The following RFNG variants were observed in gnomAD, a reference collection of about 807,000 sequenced individuals.
RFNG encodes the protein RFNG O-fucosylpeptide 3-beta-N-acetylglucosaminyltransferase.
RFNG carries 37 observed loss-of-function variants against 29.6 expected under a neutral mutation model. That is an observed-to-expected ratio of 1.25 (90% CI 0.96 to 1.65). The LOEUF (loss-of-function observed/expected upper bound fraction) is 1.65. Ranked by LOEUF, RFNG falls within the 40% of genes most tolerant of loss-of-function variation. The probability of loss-of-function intolerance (pLI) is 0.00; values close to 1 mark genes in which losing one functional copy is unlikely to be tolerated. For missense variants in RFNG, 546 were observed against 457.0 expected, an observed-to-expected ratio of 1.19 and a Z score of -1.78; for synonymous variants, 276 against 197.3, an observed-to-expected ratio of 1.40 and a Z score of -3.34.
Position 82,051,673 on chromosome 17 carries a change from C to A in RFNG, c.94G>T (p.Ala32Ser). 1.0e-6 allele frequency: 1 copy of A among 997,824 alleles called. No individual in the cohort carries two copies. The highest frequency in any genetic ancestry group is 1.2e-6 in the Non-Finnish European group (1 of 839,694). 61.8% of individuals were successfully genotyped at this position (997,824 alleles called of 1,614,324 possible). ...LLLLPLPLPR[A>S]PAPARTPAPA... Reference sequence around the variant, plus strand: ...GCGGGGGTCCGGGCCGGGGCGGGCGCGCGGGGCAGCGGCAGCGGCAGTAAC... The same window carrying A: ...GCGGGGGTCCGGGCCGGGGCGGGCGAGCGGGGCAGCGGCAGCGGCAGTAAC... The change falls in exon 1 of 8, where the codon GCG becomes TCG. Residue 32 changes from alanine (A) to serine (S), a missense_variant. Physicochemically the swap from Ala to Ser is moderately conservative, Grantham distance 99. Coordinates refer to ENST00000310496, the MANE Select transcript of RFNG (RefSeq NM_002917.2). This position sits in a 1 kb window ranked among gnomAD's most constrained non-coding sequence, Gnocchi z 4.1.
At position 82,048,390 on chromosome 17, in the gene RFNG, A is replaced by C. The variant is rs999907014; in HGVS notation, c.*336T>G. ...GCCAGCCTAGCACCCGCCTTCAGCAACAGGTAATGGAGCCCGGATGGCAGC... is the reference window on the plus strand; with the variant it reads ...GCCAGCCTAGCACCCGCCTTCAGCACCAGGTAATGGAGCCCGGATGGCAGC... On this transcript the variant is annotated 3_prime_UTR_variant, in exon 8 of 8. Coordinates refer to ENST00000310496, the MANE Select transcript of RFNG (RefSeq NM_002917.2). The C allele has an allele frequency of 1.5e-5, 5 of 333,980 alleles. No homozygotes were observed. In the Admixed American group the frequency reaches 2.1e-4, roughly 14 times the overall value. 20.7% of individuals were successfully genotyped at this position (333,980 alleles called of 1,614,324 possible).
intron 6 of RFNG, 106 bp downstream of exon 6, chr17:82,049,571 C>T (rs746278773): frequency 1.7e-5 from 23 of 1,349,528 alleles, no homozygotes; most frequent in Non-Finnish European, 2.2e-5. Context: ...CATGCAAATC[C>T]CACCTGCCTG....
chr17:82,048,391 C>G lies in RFNG; in HGVS notation c.*335G>C. The G allele has an allele frequency of 3.0e-6, 1 of 338,844 alleles. No homozygotes were observed. The highest frequency in any genetic ancestry group is 5.6e-6 in the Non-Finnish European group (1 of 177,304). The allele number at this position is 338,844 out of a possible 1,614,324, so 21.0% of individuals were successfully genotyped here. On this transcript the variant is annotated 3_prime_UTR_variant, in exon 8 of 8. Coordinates refer to ENST00000310496, the MANE Select transcript of RFNG (RefSeq NM_002917.2). ...CCAGCCTAGCACCCGCCTTCAGCAACAGGTAATGGAGCCCGGATGGCAGCT... is the reference window on the plus strand; with the variant it reads ...CCAGCCTAGCACCCGCCTTCAGCAAGAGGTAATGGAGCCCGGATGGCAGCT...
rs779473081 is a variant in RFNG, at chr17:82,049,953, G to A, written c.627C>T (p.Ser209=). The A allele has an allele frequency of 1.2e-6, 2 of 1,612,636 alleles. No homozygotes were observed. Among genetic ancestry groups the A allele is most frequent in the Middle Eastern group, 1.7e-4 (1 of 6,056 alleles). Residue 209 remains serine, a synonymous_variant, in exon 5 of 8, where the codon AGC becomes AGT. Coordinates refer to ENST00000310496, the MANE Select transcript of RFNG (RefSeq NM_002917.2). ...FATGGAGFCL[S]RGLALKMSPW... ...GGCTCATCTTGAGGGCAAGGCCTCT[G>A]CTGAGGCAGAACCCGGCCCCACCAG...
intron 6 of RFNG, 66 bp from the exon 7 acceptor site, chr17:82,049,182 C>G: frequency 4.5e-6 from 6 of 1,336,868 alleles, no homozygotes; most frequent in Non-Finnish European, 6.4e-6. Flanking sequence ...CTGCCCCTGG[C>G]CAGGAGCCCT....
Position 82,050,728 on chromosome 17 carries a change from C to A in RFNG, c.353G>T (p.Arg118Leu). The A allele has an allele frequency of 6.8e-6, 11 of 1,613,160 alleles. No homozygotes were observed. The highest frequency in any genetic ancestry group is 9.3e-6 in the Non-Finnish European group (11 of 1,179,938). ...RVINTNCSAVRTRQALCCKMS... is the reference protein window; with the variant it reads ...RVINTNCSAVLTRQALCCKMS... ...CTTGCAGCAGAGGGCCTGACGAGTG[C>A]GCACCGCCGAGCAGTTGGTGTTGAT... Residue 118 changes from arginine (R) to leucine (L), a missense_variant, in exon 3 of 8, where the codon CGC (arginine) becomes CTC (leucine). Arg to Leu is a moderately radical substitution (Grantham distance 102). Transcript: ENST00000310496.
Position 82,048,962 on chromosome 17 carries a change from G to T in RFNG, c.914+69C>A, listed in dbSNP as rs541098958. Reference sequence around the variant, plus strand: ...GGAGGGAGCAGCGGGGGTCAGGGCCGTGGGTAGAGGGAGCTGATGCCAGAG... The same window carrying T: ...GGAGGGAGCAGCGGGGGTCAGGGCCTTGGGTAGAGGGAGCTGATGCCAGAG... On this transcript the variant is annotated intron_variant, in intron 7 of 7. Transcript: ENST00000310496. 12 of 1,537,484 alleles carry T rather than the reference G, an allele frequency of 7.8e-6. No homozygotes were observed. The South Asian group carries it at 1.3e-4, about 17-fold the overall frequency.
intron 4 of RFNG, 112 bp downstream of exon 4, chr17:82,050,290 G>A: frequency 7.8e-7 from 1 of 1,276,704 alleles, no homozygotes; most frequent in Non-Finnish European, 1.1e-6. Flanking sequence ...GGATCAGCTT[G>A]GGCCCCCAAC....
chr17:82,050,177 A>G (rs2144210909), intron 4 of RFNG, 171 bp from the exon 5 acceptor site: 1 of 779,524 alleles, frequency 1.3e-6, no homozygotes, highest in Non-Finnish European at 2.1e-6. Flanking sequence ...ATTGACCCGT[A>G]GCCTCCAGAC....
chr17:82,050,085 TTTC>T, intron 4 of RFNG, 79 bp from the exon 5 acceptor site: 1 of 1,247,700 alleles, frequency 8.0e-7, no homozygotes, highest in East Asian at 2.5e-5. Flanking sequence ...CCCAGGCATC[TTTC>T]TTAAGCTGCC....
chr17:82,050,213 C>T (rs1478778083), intron 4 of RFNG, 189 bp downstream of exon 4: 1 of 806,922 alleles, frequency 1.2e-6, no homozygotes, highest in Non-Finnish European at 1.9e-6. Context: ...CAGACACCCC[C>T]TCTCTGCCCA....
chr17:82,050,640 G>C (rs116493793), intron 3 of RFNG, 22 bp downstream of exon 3: 1 of 1,611,772 alleles, frequency 6.2e-7, no homozygotes, highest in Non-Finnish European at 8.5e-7. Context: ...AGCTCTCTGC[G>C]GGTCGGGTCA....
intron 6 of RFNG, 146 bp downstream of exon 6, chr17:82,049,531 A>G (rs1359255343): frequency 2.1e-6 from 2 of 940,118 alleles, no homozygotes; most frequent in Admixed American, 2.0e-5. Flanking sequence ...CAACAGGCCA[A>G]GGGGCCTGTC....
chr17:82,050,141 A>C (rs1435293908), intron 4 of RFNG, 135 bp from the exon 5 acceptor site: 1 of 907,730 alleles, frequency 1.1e-6, no homozygotes, highest in Non-Finnish European at 1.7e-6. Flanking sequence ...TCTTGGAGCA[A>C]AAAGAGCCGG....
In RFNG at chr17:82,051,400, C is replaced by T. The variant is rs867394022; in HGVS notation, c.268-58G>A. ...GCGCTGCCCAGGCCGGAGACCGACC[C>T]GCCCCGCGCGGAGCCTCCGGGGGCC... is the stretch of plus-strand genomic sequence containing the variant. On this transcript the variant is annotated intron_variant, in intron 1 of 7. Coordinates refer to ENST00000310496, the MANE Select transcript of RFNG (RefSeq NM_002917.2). This position sits in a 1 kb window ranked among gnomAD's most constrained non-coding sequence, Gnocchi z 4.1. The T allele has an allele frequency of 8.5e-6, 12 of 1,409,740 alleles. No homozygotes were observed. The East Asian group carries it at 3.5e-4, about 41-fold the overall frequency. 87.3% of individuals were successfully genotyped at this position (1,409,740 alleles called of 1,614,324 possible). A position where few individuals can be genotyped will look rare whatever the true frequency, so the allele number is the denominator to read the frequency against.
chr17:82,049,534 G>A (rs1026088680), intron 6 of RFNG, 143 bp downstream of exon 6: 2 of 964,348 alleles, frequency 2.1e-6, no homozygotes, highest in Non-Finnish European at 3.2e-6. Context: ...CAGGCCAAGG[G>A]GCCTGTCCAG....
chr17:82,049,258 T>G (rs2030110426), intron 6 of RFNG, 142 bp from the exon 7 acceptor site: 1 of 736,816 alleles, frequency 1.4e-6, no homozygotes, highest in Non-Finnish European at 2.4e-6. Context: ...GAAACAGCAT[T>G]GAAGCATGGC....
Position 82,050,072 on chromosome 17 carries a change from C to T in RFNG, c.574-66G>A. 4.5e-6 allele frequency: 6 copies of T among 1,337,140 alleles called. No homozygotes were observed. The Admixed American group carries it at 9.7e-5, about 22-fold the overall frequency. 82.8% of individuals were successfully genotyped at this position (1,337,140 alleles called of 1,614,324 possible). On this transcript the variant is annotated intron_variant, in intron 4 of 7. Transcript: ENST00000310496. ...TTCTCACCCCTGACTCTTCATGGGA[C>T]TCCCCAGGCATCTTTCTTAAGCTGC...
intron 4 of RFNG, 129 bp from the exon 5 acceptor site, chr17:82,050,135 G>C: frequency 2.2e-6 from 2 of 914,764 alleles, no homozygotes; most frequent in Non-Finnish European, 1.7e-6. Flanking sequence ...GAAGCTTCTT[G>C]GAGCAAAAAG....
Sources: allele counts gnomAD v4.1 joint callset, GRCh38; gene constraint gnomAD v4.1.1; non-coding constraint Gnocchi (gnomAD v3.1); transcripts MANE v1.5; gene names NCBI Gene and HGNC (gene_info 2026-07-23, HGNC 2026-07-21).